Variants in WASHC4 observed in about 807,000 individuals in gnomAD.
WASHC4 encodes WASH complex subunit 7.
In WASHC4, 86 loss-of-function variants were observed where a neutral mutation model predicts 166.6. The ratio of observed to expected loss-of-function variants is 0.52; its 90% CI spans 0.43 to 0.62. WASHC4 has a LOEUF of 0.62. Among genes scored for constraint, WASHC4 ranks in the 20% least tolerant of loss-of-function variants. The pLI is 0.00. For missense variants in WASHC4, 1,262 were observed against 1,382.4 expected, an observed-to-expected ratio of 0.91 and a Z score of 1.38; for synonymous variants, 446 against 451.6, an observed-to-expected ratio of 0.99 and a Z score of 0.16.
At chr12:105,156,907 G>C in intron 27 of WASHC4, 115 bp downstream of exon 27, 1 of 830,276 alleles carries the variant, frequency 1.2e-6, no homozygotes, top group Non-Finnish European at 2.0e-6. Flanking sequence ...TATATTTTGA[G>C]ATAAAATATG....
At chr12:105,144,675 C>T (rs772456279) in intron 21 of WASHC4, 43 bp from the exon 22 acceptor site, 3 of 1,554,270 alleles carry the variant, frequency 1.9e-6, no homozygotes, top group African/African-American at 1.4e-5. Flanking sequence ...CATTTCTTTT[C>T]CTTTTCTACT....
chr12:105,123,379 G>A (rs113496435), intron 10 of WASHC4, among the ~76,000 whole-genome samples: 133 of 152,162 alleles, frequency 8.7e-4, no homozygotes, highest in Non-Finnish European at 1.4e-3. Flanking sequence ...GCTAGCCAAC[G>A]TGTGAATGCA....
chr12:105,130,501 T>G (rs1881699563), intron 13 of WASHC4, among the ~76,000 whole-genome samples: 1 of 152,190 alleles, frequency 6.6e-6, no homozygotes, highest in Admixed American at 6.5e-5. Context: ...GGCACAGTTA[T>G]TTTTTTCAGT....
Position 105,141,075 on chromosome 12 carries a change from G to C in WASHC4, c.1707+30G>C, listed in dbSNP as rs761774326. The C allele has an allele frequency of 7.4e-6, 12 of 1,613,538 alleles. No homozygotes were observed. In the South Asian group the frequency reaches 1.3e-4, roughly 18 times the overall value. The stretch of plus-strand genomic sequence containing the variant: ...GTGTATTGCTATTACTTATGGAACA[G>C]AAATGAGATCTGAGATTTCACAGTT... On this transcript the variant is annotated intron_variant, in intron 17 of 32. Transcript: ENST00000332180.
At chr12:105,135,373 C>G (rs1241821313) in intron 14 of WASHC4, among the ~76,000 whole-genome samples, 2 of 149,816 alleles carry the variant, frequency 1.3e-5, no homozygotes, top group Non-Finnish European at 3.0e-5. Flanking sequence ...AATCATTTTG[C>G]TGTGTTAGAA....
chr12:105,119,874 A>G (rs1272133878), intron 7 of WASHC4, among the ~76,000 whole-genome samples: 2 of 152,228 alleles, frequency 1.3e-5, no homozygotes, highest in African/African-American at 2.4e-5. Flanking sequence ...TTCTAGTAGT[A>G]TGCACTGTTT....
chr12:105,153,875 C>T (rs1028811632), intron 26 of WASHC4, among the ~76,000 whole-genome samples: 2 of 152,088 alleles, frequency 1.3e-5, no homozygotes, highest in Admixed American at 6.5e-5. Context: ...AAATGCTAGT[C>T]ATTTTTGCCC....
intron 2 of WASHC4, among the ~76,000 whole-genome samples, chr12:105,113,520 T>TA (rs1300789757): frequency 3.8e-4 from 58 of 152,196 alleles, no homozygotes; most frequent in African/African-American, 1.4e-3. Flanking sequence ...TTATTGTTTT[T>TA]ACTATACAAG....
intron 22 of WASHC4, 60 bp from the exon 23 acceptor site, chr12:105,146,392 C>T (rs1472758712): frequency 9.9e-7 from 1 of 1,011,066 alleles, no homozygotes; most frequent in Non-Finnish European, 1.6e-6. Flanking sequence ...TATGCTGATA[C>T]AAGTTTAACT....
At chr12:105,109,948 T>G (rs1310421395) in intron 1 of WASHC4, among the ~76,000 whole-genome samples, 1 of 152,228 alleles carries the variant, frequency 6.6e-6, no homozygotes, top group African/African-American at 2.4e-5. Flanking sequence ...CAGCTTTGAC[T>G]GGTCATTTCC....
rs777388955 is a variant in WASHC4 at position 105,144,271 on chromosome 12, A to T, written c.2011-16A>T. On this transcript the variant is annotated splice_polypyrimidine_tract_variant and intron_variant, in intron 20 of 32. Coordinates refer to ENST00000332180, the MANE Select transcript of WASHC4 (RefSeq NM_015275.3). Reference sequence around the variant, plus strand: ...ATCATTTTGAAAAATTAAAGTATCAAATCTTTTGTGAATAGCATTTGCTGG... The same window carrying T: ...ATCATTTTGAAAAATTAAAGTATCATATCTTTTGTGAATAGCATTTGCTGG... 5.6e-6 allele frequency: 9 copies of T among 1,605,982 alleles called. No homozygotes were observed. Among genetic ancestry groups the T allele is most frequent in the African/African-American group, 1.3e-5 (1 of 74,630 alleles).
chr12:105,140,440 C>CT (rs914694094), intron 16 of WASHC4, 39 bp downstream of exon 16: 1 of 1,414,894 alleles, frequency 7.1e-7, no homozygotes. Flanking sequence ...AGTATGTTAT[C>CT]TTTTTTGTTT....
In WASHC4 at chr12:105,126,223, T is replaced by C. The variant is rs753531756; in HGVS notation, c.911-12T>C. 14 of 1,612,742 alleles carry C rather than the reference T, an allele frequency of 8.7e-6. No individual in the cohort carries two copies. The highest frequency in any genetic ancestry group is 3.3e-5 in the South Asian group (3 of 91,052). On this transcript the variant is annotated splice_polypyrimidine_tract_variant and intron_variant, in intron 11 of 32. Transcript: ENST00000332180. ...ATTTGTTCTGCTTTCTCTTATGTTATTGATTTGTAAGGAGAACCTTCTGAA... is the reference window on the plus strand; with the variant it reads ...ATTTGTTCTGCTTTCTCTTATGTTACTGATTTGTAAGGAGAACCTTCTGAA...
intron 24 of WASHC4, chr12:105,147,542 CAGGGTTTGCT>C: frequency 1.0e-6 from 1 of 960,644 alleles, no homozygotes; most frequent in Admixed American, 5.1e-5. Flanking sequence ...CTTTTTGGGG[CAGGGTTTGCT>C]AATTATTTGA....
chr12:105,134,229 G>T (rs562646997), intron 14 of WASHC4, among the ~76,000 whole-genome samples: 5 of 152,090 alleles, frequency 3.3e-5, no homozygotes, highest in Admixed American at 6.5e-5. Flanking sequence ...GGATTTTCTA[G>T]TTATTTTATT....
rs565723157 is a variant in WASHC4, at chr12:105,122,885, C to T, written c.786+647C>T. ...CCCTCTCTTCAAGCCTTTTTATTCT[C>T]TGAGACACAACCATATTGAAATTAG... On this transcript the variant is annotated intron_variant, in intron 10 of 32. Coordinates refer to ENST00000332180, the MANE Select transcript of WASHC4 (RefSeq NM_015275.3). Among the ~76,000 whole-genome samples the T allele has an allele frequency of 2.4e-4, 36 of 152,284 alleles. No homozygotes were observed. In the South Asian group the frequency reaches 7.3e-3, roughly 31 times the overall value.
At chr12:105,142,407 G>A (rs754163753) in intron 18 of WASHC4, 46 bp from the exon 19 acceptor site, 1 of 1,063,258 alleles carries the variant, frequency 9.4e-7, no homozygotes, top group South Asian at 1.3e-5. Context: ...ATATTGTTTT[G>A]GGATTCTTCA....
At chr12:105,130,724 A>G (rs894491888) in intron 13 of WASHC4, among the ~76,000 whole-genome samples, 11 of 152,100 alleles carry the variant, frequency 7.2e-5, no homozygotes, top group African/African-American at 2.4e-4. Flanking sequence ...CATACTATAC[A>G]CCAGACCCCA....
chr12:105,168,763 AAAT>A lies in WASHC4; in HGVS notation c.*1835_*1837del. 6.6e-6 allele frequency: 1 copy of A among 152,132 alleles called. No individual in the cohort carries two copies. Among genetic ancestry groups the A allele is most frequent in the South Asian group, 2.1e-4 (1 of 4,832 alleles). The allele number at this position is 152,132 out of a possible 1,614,324, so 9.4% of individuals were successfully genotyped here. On this transcript the variant is annotated 3_prime_UTR_variant, in exon 33 of 33. Coordinates refer to ENST00000332180, the MANE Select transcript of WASHC4 (RefSeq NM_015275.3). ...GATAAATTATAAGTTCATATATTTG[AAAT>A]AAGATCCTGGAAACGAATTTAAATG...
Sources: allele counts gnomAD v4.1 joint callset (sites outside exome capture counted in the v4.1 genomes callset), GRCh38; gene constraint gnomAD v4.1.1; transcripts MANE v1.5; gene names NCBI Gene and HGNC (gene_info 2026-07-23, HGNC 2026-07-21).